MTRF1: variants seen among roughly 807,000 people sequenced by gnomAD.
MTRF1 encodes the protein mitochondrial translation release factor 1.
Under a neutral mutation model 62.9 loss-of-function variants are expected in MTRF1, and 51 were observed. That is an observed-to-expected ratio of 0.81 (90% CI 0.65 to 1.02). The LOEUF is 1.02. Ranked by LOEUF, MTRF1 falls within the 50% of genes least tolerant of loss-of-function variation. The probability of loss-of-function intolerance (pLI) is 0.00; values close to 1 mark genes in which losing one functional copy is unlikely to be tolerated. For synonymous variants in MTRF1, 158 were observed against 181.9 expected (o/e 0.87, Z 1.06); for missense variants, 446 against 530.0 (o/e 0.84, Z 1.56).
chr13:41,303,302 G>C, the MTRF1 span, among the ~76,000 whole-genome samples: 1 of 152,040 alleles, frequency 6.6e-6, no homozygotes, highest in Non-Finnish European at 1.5e-5. Context: ...ATGAAGGCCA[G>C]GAGATCCAAA....
chr13:41,256,967 TA>T (rs2039810621), intron 2 of MTRF1, among the ~76,000 whole-genome samples: 1 of 152,128 alleles, frequency 6.6e-6, no homozygotes, highest in African/African-American at 2.4e-5. Flanking sequence ...TAAAGGATTA[TA>T]ATACAAAACA....
At chr13:41,311,297 T>A in the MTRF1 span, 2 of 546,104 alleles carry the variant, frequency 3.7e-6, no homozygotes, top group South Asian at 4.7e-5. Context: ...CCGCCGCCGC[T>A]GGCCAAAAAG....
upstream of MTRF1, among the ~76,000 whole-genome samples, chr13:41,268,250 C>A (rs540814765): frequency 7.2e-5 from 11 of 152,236 alleles, no homozygotes; most frequent in African/African-American, 2.6e-4. Context: ...TCATATTTGA[C>A]AATGCTTCCT....
chr13:41,257,272 C>T (rs1456279453), intron 2 of MTRF1, among the ~76,000 whole-genome samples: 1 of 152,160 alleles, frequency 6.6e-6, no homozygotes, highest in Non-Finnish European at 1.5e-5. Context: ...ACAATGGGAA[C>T]AGGTGAGTAA....
chr13:41,264,064 C>T (rs9590580), upstream of MTRF1, among the ~76,000 whole-genome samples: 1 of 152,008 alleles, frequency 6.6e-6, no homozygotes, highest in Non-Finnish European at 1.5e-5. Context: ...GTATTAGAAG[C>T]CCGTAAAGCA....
chr13:41,248,588 T>G (rs1284898133), intron 5 of MTRF1, among the ~76,000 whole-genome samples: 1 of 152,190 alleles, frequency 6.6e-6, no homozygotes, highest in Non-Finnish European at 1.5e-5. Context: ...TGGTCTGACC[T>G]ACAGAGAAGA....
the MTRF1 span, among the ~76,000 whole-genome samples, chr13:41,277,989 CA>C: frequency 6.6e-6 from 1 of 152,200 alleles, no homozygotes; most frequent in Admixed American, 6.5e-5. Flanking sequence ...TCTCTTACGT[CA>C]AAGGGATATA....
intron 6 of MTRF1, chr13:41,236,120 G>GC (rs560741889): frequency 6.8e-6 from 1 of 146,742 alleles, no homozygotes. Flanking sequence ...GTTTTTTTTG[G>GC]TTTTTTTTTG....
At chr13:41,248,328 G>A (rs2038560464) in intron 5 of MTRF1, among the ~76,000 whole-genome samples, 1 of 152,162 alleles carries the variant, frequency 6.6e-6, no homozygotes, top group South Asian at 2.1e-4. Flanking sequence ...TGCCATGTTG[G>A]CCAAGATGGT....
chr13:41,253,144 T>C (rs1468697590), intron 3 of MTRF1, 114 bp from the exon 4 acceptor site: 1 of 732,020 alleles, frequency 1.4e-6, no homozygotes, highest in East Asian at 2.8e-5. Context: ...TCATATAGTA[T>C]CCCAAACAGG....
the MTRF1 span, among the ~76,000 whole-genome samples, chr13:41,294,881 T>C: frequency 6.6e-6 from 1 of 152,230 alleles, no homozygotes; most frequent in Non-Finnish European, 1.5e-5. Flanking sequence ...ATTATACTAA[T>C]ACAAAACTAA....
chr13:41,247,105 T>C (rs960293181), intron 5 of MTRF1, among the ~76,000 whole-genome samples: 2 of 152,226 alleles, frequency 1.3e-5, no homozygotes, highest in African/African-American at 4.8e-5. Flanking sequence ...CAAGGGTTTT[T>C]GTGAGGAATA....
At chr13:41,223,940 T>C (rs2033899312) in intron 8 of MTRF1, among the ~76,000 whole-genome samples, 1 of 152,250 alleles carries the variant, frequency 6.6e-6, no homozygotes, top group Non-Finnish European at 1.5e-5. Flanking sequence ...CACATTGTGC[T>C]GCCCTGCTTA....
chr13:41,243,462 A>T (rs1324190234), intron 5 of MTRF1, among the ~76,000 whole-genome samples: 3 of 151,284 alleles, frequency 2.0e-5, no homozygotes, highest in African/African-American at 7.3e-5. Flanking sequence ...CTTCTCCTAT[A>T]ATGCAACCTA....
chr13:41,311,645 G>T, the MTRF1 span: 2 of 1,497,712 alleles, frequency 1.3e-6, no homozygotes, highest in Non-Finnish European at 1.8e-6. Context: ...TTAAGGGCAA[G>T]CGGTCTGGCG....
intron 7 of MTRF1, among the ~76,000 whole-genome samples, chr13:41,228,399 C>T (rs930439187): frequency 1.3e-5 from 2 of 152,040 alleles, no homozygotes; most frequent in Non-Finnish European, 2.9e-5. Context: ...AAGATTTCGT[C>T]TCTACTAAAA....
At chr13:41,260,430 T>G in intron 2 of MTRF1, 63 bp downstream of exon 2, 1 of 1,351,748 alleles carries the variant, frequency 7.4e-7, no homozygotes, top group Non-Finnish European at 1.0e-6. Context: ...CACACACGCA[T>G]ATAAGTGTGT....
At chr13:41,308,162 G>A in the MTRF1 span, among the ~76,000 whole-genome samples, 1 of 152,180 alleles carries the variant, frequency 6.6e-6, no homozygotes, top group East Asian at 1.9e-4. Context: ...CTACCACAGA[G>A]AGTGAAGATA....
the MTRF1 span, among the ~76,000 whole-genome samples, chr13:41,280,083 G>A: frequency 7.4e-4 from 113 of 152,248 alleles, no homozygotes; most frequent in African/African-American, 2.1e-3. Context: ...GACTACAGGC[G>A]TGTGACACCA....
Sources: gnomAD v4.1 joint callset for allele counts (sites outside exome capture counted in the v4.1 genomes callset) on GRCh38, gnomAD v4.1.1 for gene constraint, MANE v1.5 for transcripts, NCBI Gene and HGNC (gene_info 2026-07-23, HGNC 2026-07-21) for gene names.